Variants in MAML1 observed in about 807,000 individuals in gnomAD.
MAML1 encodes mastermind like transcriptional coactivator 1.
A neutral mutation model predicts 77.1 loss-of-function variants in MAML1; 14 were observed. The ratio of observed to expected loss-of-function variants is 0.18; its 90% CI spans 0.12 to 0.28. MAML1 has a LOEUF of 0.28. Ranked by LOEUF, MAML1 falls within the 10% of genes least tolerant of loss-of-function variation. MAML1 has a pLI of 1.00. For missense variants in MAML1, 1,217 were observed against 1,327.8 expected (o/e 0.92, Z 1.30); for synonymous variants, 516 against 551.9 (o/e 0.93, Z 0.91).
Position 179,775,788 on chromosome 5 carries a change from T to A in MAML1, c.*911T>A. The A allele has an allele frequency of 1.0e-6, 1 of 985,548 alleles. No individual in the cohort carries two copies. The highest frequency in any genetic ancestry group is 1.2e-6 in the Non-Finnish European group (1 of 829,964). 61.1% of individuals were successfully genotyped at this position (985,548 alleles called of 1,614,324 possible). On this transcript the variant is annotated 3_prime_UTR_variant, in exon 5 of 5. Transcript: ENST00000292599. The stretch of plus-strand genomic sequence containing the variant: ...ACTGTGCAGTTGTGCACAGATGTCT[T>A]TCCTTTACCGTTGGCCTTTCTGTCT...
At chr5:179,742,580 A>T (rs1432913276) in intron 1 of MAML1, among the ~76,000 whole-genome samples, 2 of 152,056 alleles carry the variant, frequency 1.3e-5, no homozygotes, top group Non-Finnish European at 2.9e-5. Context: ...AGGTGGGTGG[A>T]TCATTTGAAA....
At position 179,765,379 on chromosome 5, in the gene MAML1, T is replaced by G; in HGVS notation, c.369T>G (p.Asn123Lys). Reference protein sequence around the residue: ...RNLDSATSPQNGDQQNGYGDL... With the variant: ...RNLDSATSPQKGDQQNGYGDL... ...TTGACAGCGCCACTTCCCCTCAGAA[T>G]GGCGATCAACAGAATGGCTACGGGG... The change falls in exon 2 of 5, where the codon AAT becomes AAG. Residue 123 changes from asparagine to lysine, a missense_variant. By Grantham distance (94) the Asn-to-Lys change is moderately conservative (BLOSUM62 0). Transcript: ENST00000292599. 6.2e-7 allele frequency: 1 copy of G among 1,612,446 alleles called. No homozygotes were observed. The highest frequency in any genetic ancestry group is 8.5e-7 in the Non-Finnish European group (1 of 1,179,522).
intron 1 of MAML1, among the ~76,000 whole-genome samples, chr5:179,764,136 C>T (rs1020181875): frequency 6.6e-6 from 1 of 152,100 alleles, no homozygotes; most frequent in African/African-American, 2.4e-5. Flanking sequence ...AGGGTACTTA[C>T]TGTGTGCTGC....
intron 1 of MAML1, among the ~76,000 whole-genome samples, chr5:179,739,977 T>TTTTGTTAAC (rs1779249690): frequency 6.6e-6 from 1 of 152,182 alleles, no homozygotes; most frequent in Admixed American, 6.5e-5. Flanking sequence ...AGGTCAATAT[T>TTTTGTTAAC]TTTGTTAACT....
intron 1 of MAML1, among the ~76,000 whole-genome samples, chr5:179,754,331 A>G (rs1184357366): frequency 6.6e-6 from 1 of 152,164 alleles, no homozygotes; most frequent in African/African-American, 2.4e-5. Flanking sequence ...ATGGTGGTTC[A>G]CGCCTGCAGT....
intron 1 of MAML1, among the ~76,000 whole-genome samples, chr5:179,736,607 T>C (rs1011114903): frequency 6.6e-6 from 1 of 152,042 alleles, no homozygotes. Context: ...AAGTAAATAA[T>C]GAAAGCTCAT....
chr5:179,750,453 C>T (rs1267777345), intron 1 of MAML1, among the ~76,000 whole-genome samples: 2 of 85,506 alleles, frequency 2.3e-5, no homozygotes, highest in African/African-American at 4.1e-5. Context: ...GCTCAGTCAG[C>T]TCTCAATAGA....
At chr5:179,756,888 A>C (rs979740147) in intron 1 of MAML1, among the ~76,000 whole-genome samples, 2 of 152,182 alleles carry the variant, frequency 1.3e-5, no homozygotes, top group African/African-American at 2.4e-5. Context: ...GACAGGGTGC[A>C]TGAGAGCAAG....
intron 1 of MAML1, among the ~76,000 whole-genome samples, chr5:179,738,010 C>A (rs1263914648): frequency 6.6e-6 from 1 of 151,972 alleles, no homozygotes; most frequent in Non-Finnish European, 1.5e-5. Context: ...CTTGCCTGGC[C>A]GAAAGTTGAT....
rs1342329442 is a variant in MAML1 at position 179,757,702 on chromosome 5, C to T, written c.316-7624C>T. Among the ~76,000 whole-genome samples the T allele has an allele frequency of 3.3e-5, 5 of 152,184 alleles. No individual in the cohort carries two copies. In the South Asian group the frequency reaches 1.0e-3, roughly 31 times the overall value. On this transcript the variant is annotated intron_variant, in intron 1 of 4. Transcript: ENST00000292599. ...CCAGTTAGCAATCGCCTGCATTGTT[C>T]TCATGTCTACCAAGCAACCTTCTGA... is the stretch of plus-strand genomic sequence containing the variant.
chr5:179,745,966 G>A (rs1207055794), intron 1 of MAML1, among the ~76,000 whole-genome samples: 34 of 148,492 alleles, frequency 2.3e-4, no homozygotes, highest in Non-Finnish European at 4.3e-4. Context: ...CTGGGGAGGC[G>A]GAGGTTTCGA....
intron 1 of MAML1, among the ~76,000 whole-genome samples, chr5:179,744,114 A>C (rs1779336135): frequency 6.6e-6 from 1 of 152,162 alleles, no homozygotes; most frequent in Non-Finnish European, 1.5e-5. Context: ...TTTTAACGTA[A>C]TATATGTTTG....
At chr5:179,767,096 T>A (rs1453753009) in intron 2 of MAML1, among the ~76,000 whole-genome samples, 6 of 58,800 alleles carry the variant, frequency 1.0e-4, no homozygotes, top group Admixed American at 8.2e-4. Context: ...GAGGCTTGGC[T>A]TTTTTTTTTT....
At position 179,733,438 on chromosome 5, in the gene MAML1, C is replaced by G. The variant is rs1779107846; in HGVS notation, c.315+11C>G. On this transcript the variant is annotated intron_variant, in intron 1 of 4. Coordinates refer to ENST00000292599, the MANE Select transcript of MAML1 (RefSeq NM_014757.5). ...GGCCGCCCGGCCACGGTGAGTAGGG[C>G]GCGGGAAGGCGCTTGTCGTGGCGGC... The G allele has an allele frequency of 9.2e-7, 1 of 1,092,670 alleles. No homozygotes were observed. The highest frequency in any genetic ancestry group is 1.1e-6 in the Non-Finnish European group (1 of 901,186). 67.7% of individuals were successfully genotyped at this position (1,092,670 alleles called of 1,614,324 possible).
intron 2 of MAML1, among the ~76,000 whole-genome samples, chr5:179,767,124 C>CTTTTTTTTTT: frequency 8.5e-6 from 1 of 117,602 alleles, no homozygotes; most frequent in Non-Finnish European, 1.7e-5. Flanking sequence ...TTTTTACTAC[C>CTTTTTTTTTT]TTTCAGATCT....
In MAML1 at chr5:179,769,083, G is replaced by C; in HGVS notation, c.1965G>C (p.Ala655=). 6.2e-7 allele frequency: 1 copy of C among 1,614,038 alleles called. No individual in the cohort carries two copies. Among genetic ancestry groups the C allele is most frequent in the Non-Finnish European group, 8.5e-7 (1 of 1,179,970 alleles). The change falls in exon 3 of 5, where the codon GCG becomes GCC. Residue 655 remains alanine (A), a synonymous_variant. Transcript: ENST00000292599. The surrounding 1 kb of genome is among the most constrained non-coding windows in gnomAD (Gnocchi z 4.2). The part of the protein sequence containing the change: ...QFLQRQQHLL[A]EQEKQQFQRH... Reference sequence around the variant, plus strand: ...TTCAGAGGCAACAGCACCTTCTCGCGGAACAGGTAAAAAGAAAAGTGGAAG... The same window carrying C: ...TTCAGAGGCAACAGCACCTTCTCGCCGAACAGGTAAAAAGAAAAGTGGAAG...
At chr5:179,770,261 A>G (rs1755953702) in intron 3 of MAML1, among the ~76,000 whole-genome samples, 1 of 152,142 alleles carries the variant, frequency 6.6e-6, no homozygotes, top group African/African-American at 2.4e-5. Context: ...ATCCTGGCTA[A>G]CACAGTGAAA....
intron 1 of MAML1, among the ~76,000 whole-genome samples, chr5:179,761,011 A>G (rs974611454): frequency 1.3e-5 from 2 of 151,552 alleles, no homozygotes; most frequent in Non-Finnish European, 1.5e-5. Flanking sequence ...GGAGAATGGC[A>G]TGAACCCGGG....
At chr5:179,762,917 A>G (rs1166257000) in intron 1 of MAML1, among the ~76,000 whole-genome samples, 1 of 152,254 alleles carries the variant, frequency 6.6e-6, no homozygotes, top group African/African-American at 2.4e-5. Context: ...AGCAATAGGT[A>G]TTACAAAATT....
Sources: allele counts gnomAD v4.1 joint callset (sites outside exome capture counted in the v4.1 genomes callset), GRCh38; gene constraint gnomAD v4.1.1; non-coding constraint Gnocchi (gnomAD v3.1); transcripts MANE v1.5; gene names NCBI Gene and HGNC (gene_info 2026-07-23, HGNC 2026-07-21).